ZC3H12C: variants seen among roughly 807,000 people sequenced by gnomAD.
The protein encoded by ZC3H12C is probable ribonuclease ZC3H12C.
In ZC3H12C, 20 loss-of-function variants were observed where a neutral mutation model predicts 76.3. The ratio of observed to expected loss-of-function variants is 0.26; its 90% CI spans 0.18 to 0.38. The LOEUF (loss-of-function observed/expected upper bound fraction) is 0.38. Ranked by LOEUF, ZC3H12C falls within the 10% of genes least tolerant of loss-of-function variation. ZC3H12C has a pLI of 1.00. For synonymous variants in ZC3H12C, 352 were observed against 399.6 expected (o/e 0.88, Z 1.42); for missense variants, 874 against 1,086.5 (o/e 0.80, Z 2.75).
chr11:110,094,310 G>A (rs1861074184), intron 1 of ZC3H12C, among the ~76,000 whole-genome samples: 1 of 152,170 alleles, frequency 6.6e-6, no homozygotes, highest in African/African-American at 2.4e-5. Flanking sequence ...GAGTATCCCA[G>A]GCCCATCAGG....
In ZC3H12C at chr11:110,168,453, C is replaced by A. The variant is rs759676969; in HGVS notation, c.*2716C>A. 1 of 152,108 alleles carries A rather than the reference C, an allele frequency of 6.6e-6. No individual in the cohort carries two copies. Among genetic ancestry groups the A allele is most frequent in the Non-Finnish European group, 1.5e-5 (1 of 67,998 alleles). 9.4% of individuals were successfully genotyped at this position (152,108 alleles called of 1,614,324 possible). ...GTCCATCATTAAATTAAATCCATAG[C>A]TGATCACAAGCCTTCATTTTAGCCA... On this transcript the variant is annotated 3_prime_UTR_variant, in exon 6 of 6. Coordinates refer to ENST00000278590, the MANE Select transcript of ZC3H12C (RefSeq NM_033390.2).
At chr11:110,162,061 G>C (rs980885711) in intron 4 of ZC3H12C, among the ~76,000 whole-genome samples, 6 of 152,132 alleles carry the variant, frequency 3.9e-5, no homozygotes, top group Non-Finnish European at 8.8e-5. Context: ...TTGAACCCCA[G>C]GGGGGCGGAG....
At chr11:110,142,633 TCATAAC>T (rs1862087168) in intron 2 of ZC3H12C, among the ~76,000 whole-genome samples, 1 of 152,212 alleles carries the variant, frequency 6.6e-6, no homozygotes, top group Non-Finnish European at 1.5e-5. Flanking sequence ...GCTGTTGAGC[TCATAAC>T]CAACTGAAGG....
chr11:110,131,570 C>T, intron 1 of ZC3H12C: 1 of 156,846 alleles, frequency 6.4e-6, no homozygotes, highest in Non-Finnish European at 1.4e-5. Flanking sequence ...GATGTCTCAA[C>T]TTGTTTTAGA....
rs538162416 is a variant in ZC3H12C at position 110,095,659 on chromosome 11, A to T, written c.21+2227A>T. ...ATAGATTATGAACGAACATAATGCT[A>T]TGTGGAAAGTACTAAGTTCCGTGAA... On this transcript the variant is annotated intron_variant, in intron 1 of 5. Transcript: ENST00000278590. 2.0e-5 allele frequency among the ~76,000 whole-genome samples: 3 copies of T among 152,314 alleles called. No individual in the cohort carries two copies. In the South Asian group the frequency reaches 6.2e-4, roughly 32 times the overall value.
chr11:110,122,537 T>C (rs1184301955), intron 1 of ZC3H12C, among the ~76,000 whole-genome samples: 1 of 152,174 alleles, frequency 6.6e-6, no homozygotes, highest in Non-Finnish European at 1.5e-5. Flanking sequence ...TATATACAAA[T>C]GGTCCCCAAT....
chr11:110,167,649 G>A lies in ZC3H12C; in HGVS notation c.*1912G>A, dbSNP rs1862606710. The A allele has an allele frequency of 6.6e-6, 1 of 152,126 alleles. No homozygotes were observed. The highest frequency in any genetic ancestry group is 6.6e-5 in the Admixed American group (1 of 15,256). The allele number at this position is 152,126 out of a possible 1,614,324, so 9.4% of individuals were successfully genotyped here. On this transcript the variant is annotated 3_prime_UTR_variant, in exon 6 of 6. Transcript: ENST00000278590. ...GTGTGTTGCACGAAGTAGGATTTGGGTATACAGTAAATGCTTCTAAAAGGC... is the reference window on the plus strand; with the variant it reads ...GTGTGTTGCACGAAGTAGGATTTGGATATACAGTAAATGCTTCTAAAAGGC...
intron 2 of ZC3H12C, among the ~76,000 whole-genome samples, chr11:110,149,202 C>A (rs1049857510): frequency 1.3e-4 from 20 of 152,174 alleles, no homozygotes; most frequent in African/African-American, 4.8e-4. Flanking sequence ...AGTTAGCATT[C>A]ATTTTGGGGC....
intron 2 of ZC3H12C, among the ~76,000 whole-genome samples, chr11:110,138,346 T>C (rs1045721129): frequency 6.6e-6 from 1 of 152,084 alleles, no homozygotes; most frequent in African/African-American, 2.4e-5. Flanking sequence ...GAGGGACTTA[T>C]GGAAAATGCA....
rs1441704083 is a variant in ZC3H12C at position 110,170,571 on chromosome 11, T to C, written c.*4834T>C. 4 of 152,222 alleles carry C rather than the reference T, an allele frequency of 2.6e-5. No individual in the cohort carries two copies. The highest frequency in any genetic ancestry group is 2.1e-4 in the South Asian group (1 of 4,830). The allele number at this position is 152,222 out of a possible 1,614,324, so 9.4% of individuals were successfully genotyped here. ...TTACAATGTAACTCTTTATGAGAAA[T>C]AAAATGTATCTCTGCTTTGTCTGTC... On this transcript the variant is annotated 3_prime_UTR_variant, in exon 6 of 6. Transcript: ENST00000278590.
intron 2 of ZC3H12C, among the ~76,000 whole-genome samples, chr11:110,143,986 C>T (rs1167407326): frequency 2.0e-5 from 3 of 152,154 alleles, no homozygotes; most frequent in African/African-American, 7.2e-5. Flanking sequence ...GCAAGTACAT[C>T]TTAGAATATA....
At position 110,168,265 on chromosome 11, in the gene ZC3H12C, GTAAT is replaced by G. The variant is rs1027299100; in HGVS notation, c.*2535_*2538del. Reference sequence around the variant, plus strand: ...AACTACCCACACTAAATCCTTCAGTGTAATTAATTATGAGTTTAAAAATAGCAGT... The same window carrying G: ...AACTACCCACACTAAATCCTTCAGTGTAATTATGAGTTTAAAAATAGCAGT... On this transcript the variant is annotated 3_prime_UTR_variant, in exon 6 of 6. Transcript: ENST00000278590. The G allele has an allele frequency of 1.4e-4, 21 of 152,124 alleles. No homozygotes were observed. The highest frequency in any genetic ancestry group is 9.7e-5 in the African/African-American group (4 of 41,426). 9.4% of individuals were successfully genotyped at this position (152,124 alleles called of 1,614,324 possible).
intron 1 of ZC3H12C, among the ~76,000 whole-genome samples, chr11:110,115,339 A>G (rs140273362): frequency 0.03 from 4,486 of 151,724 alleles, 207 homozygotes; most frequent in African/African-American, 0.096. Context: ...GTCTCGCTCT[A>G]TCACCCAGGC....
chr11:110,168,145 T>G lies in ZC3H12C; in HGVS notation c.*2408T>G, dbSNP rs1158864970. 6.6e-6 allele frequency: 1 copy of G among 152,158 alleles called. No homozygotes were observed. The highest frequency in any genetic ancestry group is 1.5e-5 in the Non-Finnish European group (1 of 68,006). 9.4% of individuals were successfully genotyped at this position (152,158 alleles called of 1,614,324 possible). A position where few individuals can be genotyped will look rare whatever the true frequency, so the allele number is the denominator to read the frequency against. On this transcript the variant is annotated 3_prime_UTR_variant, in exon 6 of 6. Transcript: ENST00000278590. ...TGACACTTTGAATTTGACCTTCTTG[T>G]GTTATTAGCTGACTATTTGTCATTG... is the stretch of plus-strand genomic sequence containing the variant.
In ZC3H12C at chr11:110,165,916, G is replaced by T; in HGVS notation, c.*179G>T. On this transcript the variant is annotated 3_prime_UTR_variant, in exon 6 of 6. Coordinates refer to ENST00000278590, the MANE Select transcript of ZC3H12C (RefSeq NM_033390.2). ...AGCCCCACATGGTGGAAGTATCACG[G>T]GATTGCTTTACATTTAAACTTTTTT... 5 of 627,222 alleles carry T rather than the reference G, an allele frequency of 8.0e-6. No homozygotes were observed. Among genetic ancestry groups the T allele is most frequent in the Admixed American group, 3.5e-5 (1 of 28,738 alleles). 38.9% of individuals were successfully genotyped at this position (627,222 alleles called of 1,614,324 possible). A position where few individuals can be genotyped will look rare whatever the true frequency, so the allele number is the denominator to read the frequency against.
chr11:110,101,650 C>T (rs573863390), intron 1 of ZC3H12C, among the ~76,000 whole-genome samples: 5 of 151,582 alleles, frequency 3.3e-5, no homozygotes, highest in South Asian at 2.1e-4. Flanking sequence ...CGGGTTCAAG[C>T]GATTCTCCTG....
chr11:110,101,121 G>T (rs779524697), intron 1 of ZC3H12C, among the ~76,000 whole-genome samples: 2 of 152,152 alleles, frequency 1.3e-5, no homozygotes, highest in Non-Finnish European at 2.9e-5. Flanking sequence ...AGACAATCAA[G>T]CCAGCCACAA....
Position 110,159,285 on chromosome 11 carries a change from G to C in ZC3H12C, c.943G>C (p.Glu315Gln). 6.2e-7 allele frequency: 1 copy of C among 1,612,644 alleles called. No homozygotes were observed. The highest frequency in any genetic ancestry group is 8.5e-7 in the Non-Finnish European group (1 of 1,179,308). ...DQEILRKLEK[E>Q]KILVFTPSRR... ...GGAAATTTTACGTAAATTAGAGAAG[G>C]AGAAAATCCTGGTGTTCACGCCATC... is the stretch of plus-strand genomic sequence containing the variant. Residue 315 changes from glutamate to glutamine, a missense_variant, in exon 4 of 6, where the codon GAG (glutamate) becomes CAG (glutamine). Physicochemically the swap from Glu to Gln is conservative, Grantham distance 29. Around this residue, in one of 3 missense-constraint regions of ZC3H12C, gnomAD observed 269 missense variants for 424.9 expected, o/e 0.63. Coordinates refer to ENST00000278590, the MANE Select transcript of ZC3H12C (RefSeq NM_033390.2).
chr11:110,127,062 C>T (rs1861762319), intron 1 of ZC3H12C, among the ~76,000 whole-genome samples: 1 of 152,104 alleles, frequency 6.6e-6, no homozygotes, highest in Admixed American at 6.5e-5. Context: ...GGACTTTCGG[C>T]GTCTGCCTCT....
Sources: allele counts gnomAD v4.1 joint callset (sites outside exome capture counted in the v4.1 genomes callset), GRCh38; gene constraint gnomAD v4.1.1; regional missense constraint gnomAD v4.1.1; transcripts MANE v1.5; gene names NCBI Gene and HGNC (gene_info 2026-07-23, HGNC 2026-07-21).